SEMA3A: variants seen among roughly 807,000 people sequenced by gnomAD.
SEMA3A encodes the protein semaphorin 3A.
In SEMA3A, 29 loss-of-function variants were observed where a neutral mutation model predicts 97.9. The ratio of observed to expected loss-of-function variants is 0.30; its 90% confidence interval spans 0.22 to 0.40. The LOEUF (loss-of-function observed/expected upper bound fraction) is 0.40, where lower values mean the gene tolerates loss of function less well. Ranked by LOEUF, SEMA3A falls within the 10% of genes least tolerant of loss-of-function variation. The pLI is 1.00. For synonymous variants in SEMA3A, 321 were observed against 323.7 expected, an observed-to-expected ratio of 0.99 and a Z score of 0.09; for missense variants, 763 against 951.3, an observed-to-expected ratio of 0.80 and a Z score of 2.60.
At chr7:83,986,111 G>A (rs1789625585) in intron 12 of SEMA3A, among the ~76,000 whole-genome samples, 2 of 152,080 alleles carry the variant, frequency 1.3e-5, no homozygotes, top group Admixed American at 6.6e-5. Flanking sequence ...TTCTGATGTT[G>A]GTATTCTGCG....
At chr7:84,081,501 G>T (rs940690190) in intron 4 of SEMA3A, among the ~76,000 whole-genome samples, 1 of 151,698 alleles carries the variant, frequency 6.6e-6, no homozygotes, top group African/African-American at 2.4e-5. Context: ...GCTGAGGCAG[G>T]AGAATGGCGT....
chr7:84,161,147 C>G (rs1055240354), intron 1 of SEMA3A, among the ~76,000 whole-genome samples: 26 of 152,080 alleles, frequency 1.7e-4, no homozygotes, highest in Admixed American at 1.5e-3. Flanking sequence ...GGGCTGATCA[C>G]GAGGTCAGGA....
intron 12 of SEMA3A, among the ~76,000 whole-genome samples, chr7:84,000,939 T>C (rs1382522271): frequency 2.0e-5 from 3 of 152,142 alleles, no homozygotes; most frequent in African/African-American, 4.8e-5. Context: ...AACTGAAAAT[T>C]TGAATCCAGC....
At chr7:84,126,418 C>G (rs950461067) in intron 3 of SEMA3A, among the ~76,000 whole-genome samples, 1 of 152,106 alleles carries the variant, frequency 6.6e-6, no homozygotes, top group Non-Finnish European at 1.5e-5. Context: ...GTTGGCCAGG[C>G]TGGCCTCGAA....
chr7:84,120,871 T>C (rs930094882), intron 3 of SEMA3A, among the ~76,000 whole-genome samples: 3 of 152,212 alleles, frequency 2.0e-5, no homozygotes, highest in Non-Finnish European at 4.4e-5. Flanking sequence ...AGGACTTTAT[T>C]ACTCACAAAA....
intron 4 of SEMA3A, among the ~76,000 whole-genome samples, chr7:84,098,001 C>A (rs1373465451): frequency 6.6e-6 from 1 of 151,938 alleles, no homozygotes; most frequent in Non-Finnish European, 1.5e-5. Flanking sequence ...TTTCAACATT[C>A]TTACAGCTAG....
intron 4 of SEMA3A, among the ~76,000 whole-genome samples, chr7:84,092,119 A>C (rs1794622595): frequency 6.6e-6 from 1 of 152,082 alleles, no homozygotes. Flanking sequence ...TTTAAAAGGC[A>C]TTTTTTTAAA....
At chr7:84,258,822 T>C (rs1398444529) in intron 3 of SEMA3A, among the ~76,000 whole-genome samples, 4 of 152,110 alleles carry the variant, frequency 2.6e-5, no homozygotes, top group Non-Finnish European at 5.9e-5. Context: ...CAAAACCTCA[T>C]TCTTCTTTTT....
intron 1 of SEMA3A, among the ~76,000 whole-genome samples, chr7:84,411,219 CG>C (rs924523531): frequency 6.6e-6 from 1 of 151,938 alleles, no homozygotes; most frequent in African/African-American, 2.4e-5. Context: ...AAATTGGTAG[CG>C]GTCCACTTGG....
chr7:84,458,034 G>A (rs1009846034), intron 1 of SEMA3A, among the ~76,000 whole-genome samples: 4 of 151,958 alleles, frequency 2.6e-5, no homozygotes, highest in Non-Finnish European at 5.9e-5. Flanking sequence ...CCATTATGAA[G>A]TCTTAGGTAA....
chr7:84,085,902 C>T (rs765398983), intron 4 of SEMA3A, among the ~76,000 whole-genome samples: 14 of 152,142 alleles, frequency 9.2e-5, no homozygotes, highest in Admixed American at 3.9e-4. Flanking sequence ...GGATGTACAA[C>T]TGAACCTTAA....
intron 1 of SEMA3A, among the ~76,000 whole-genome samples, chr7:84,182,354 C>T (rs1487934464): frequency 6.6e-6 from 1 of 152,102 alleles, no homozygotes; most frequent in African/African-American, 2.4e-5. Context: ...AAATAATATT[C>T]AAGGCAACCA....
chr7:84,289,709 G>A (rs1411094163), intron 3 of SEMA3A, among the ~76,000 whole-genome samples: 2 of 152,072 alleles, frequency 1.3e-5, no homozygotes, highest in Admixed American at 6.6e-5. Context: ...GGAAAACAGT[G>A]AGGCTATTCC....
intron 14 of SEMA3A, among the ~76,000 whole-genome samples, chr7:83,978,348 G>A (rs1167805239): frequency 6.6e-6 from 1 of 152,142 alleles, no homozygotes; most frequent in Non-Finnish European, 1.5e-5. Context: ...GCTGCAGCAC[G>A]TTGTGGGTAT....
chr7:84,003,206 AC>A (rs1370914668), intron 11 of SEMA3A, among the ~76,000 whole-genome samples: 5 of 152,126 alleles, frequency 3.3e-5, no homozygotes, highest in Non-Finnish European at 7.4e-5. Context: ...GTAAAGTTAA[AC>A]CAAAAAAAGT....
intron 6 of SEMA3A, among the ~76,000 whole-genome samples, chr7:84,024,565 A>C (rs1400806957): frequency 6.6e-6 from 1 of 152,024 alleles, no homozygotes; most frequent in Non-Finnish European, 1.5e-5. Context: ...ATGCCCCCCC[A>C]CAATAAAAGA....
chr7:84,085,087 T>C (rs1248940607), intron 4 of SEMA3A, among the ~76,000 whole-genome samples: 1 of 152,086 alleles, frequency 6.6e-6, no homozygotes, highest in Non-Finnish European at 1.5e-5. Flanking sequence ...TTTTTCTTTA[T>C]ACATACATTT....
intron 1 of SEMA3A, among the ~76,000 whole-genome samples, chr7:84,435,090 G>GTA (rs1289989080): frequency 6.6e-6 from 1 of 152,138 alleles, no homozygotes; most frequent in Non-Finnish European, 1.5e-5. Flanking sequence ...CTACATCATT[G>GTA]TATACCTAGA....
At chr7:84,229,571 T>C (rs997160376) in intron 3 of SEMA3A, among the ~76,000 whole-genome samples, 15 of 152,124 alleles carry the variant, frequency 9.9e-5, no homozygotes, top group Non-Finnish European at 4.4e-5. Flanking sequence ...TGAAATCTTA[T>C]GGCCTCTATA....
Sources: allele counts gnomAD v4.1 joint callset (sites outside exome capture counted in the v4.1 genomes callset), GRCh38; gene constraint gnomAD v4.1.1; transcripts MANE v1.5; gene names NCBI Gene and HGNC (gene_info 2026-07-23, HGNC 2026-07-21).